CNTN1: variants seen among roughly 807,000 people sequenced by gnomAD.
CNTN1 encodes contactin-1.
In CNTN1, 38 loss-of-function variants were observed where a neutral mutation model predicts 126.4. The observed-to-expected ratio is 0.30, with a 90% CI of 0.23 to 0.39. The LOEUF (loss-of-function observed/expected upper bound fraction) is 0.39, where lower values mean the gene tolerates loss of function less well. Ranked by LOEUF, CNTN1 falls within the 10% of genes least tolerant of loss-of-function variation. The pLI is 1.00. For synonymous variants in CNTN1, 413 were observed against 422.6 expected, an observed-to-expected ratio of 0.98 and a Z score of 0.28; for missense variants, 1,009 against 1,248.4, an observed-to-expected ratio of 0.81 and a Z score of 2.89.
At chr12:40,858,020 A>G (rs2136635748) in intron 1 of CNTN1, among the ~76,000 whole-genome samples, 2 of 152,324 alleles carry the variant, frequency 1.3e-5, no homozygotes, top group Middle Eastern at 6.8e-3. Flanking sequence ...TCCTCGGTTC[A>G]GAATCTCACA....
rs1240024206 is a variant in CNTN1, at chr12:41,020,366, G to T, written c.2449G>T (p.Val817Leu). ...APSEAPTEVG[V>L]KVLSSSEISV... is the part of the protein sequence containing the mutation. Reference sequence around the variant, plus strand: ...CAGTGAAGCCCCAACAGAAGTAGGTGTAAAAGTCTTATCATCTTCTGAGAT... The same window carrying T: ...CAGTGAAGCCCCAACAGAAGTAGGTTTAAAAGTCTTATCATCTTCTGAGAT... The change falls in exon 20 of 24, where the codon GTA becomes TTA. Residue 817 changes from valine to leucine, a missense_variant. Transcript: ENST00000551295. The T allele has an allele frequency of 6.2e-7, 1 of 1,612,438 alleles. No homozygotes were observed. Among genetic ancestry groups the T allele is most frequent in the South Asian group, 1.1e-5 (1 of 90,798 alleles).
At chr12:40,869,259 C>T (rs1286610946) in intron 1 of CNTN1, among the ~76,000 whole-genome samples, 1 of 149,792 alleles carries the variant, frequency 6.7e-6, no homozygotes, top group African/African-American at 2.5e-5. Flanking sequence ...ATACTAGATC[C>T]ATCATTTCAT....
At chr12:40,699,766 A>AAAT (rs1371038852) in intron 1 of CNTN1, among the ~76,000 whole-genome samples, 2 of 152,254 alleles carry the variant, frequency 1.3e-5, no homozygotes, top group Non-Finnish European at 2.9e-5. Context: ...GATAAAAAAA[A>AAAT]AAAGCTCAGA....
At position 40,831,372 on chromosome 12, in the gene CNTN1, A is replaced by C. The variant is rs192415257; in HGVS notation, c.-76-76985A>C. Among the ~76,000 whole-genome samples, 794 of 152,106 alleles carry C rather than the reference A, an allele frequency of 5.2e-3. 5 individuals are homozygous for C. The highest frequency in any genetic ancestry group is 0.018 in the African/African-American group (748 of 41,534). On this transcript the variant is annotated intron_variant, in intron 1 of 23. Coordinates refer to ENST00000551295, the MANE Select transcript of CNTN1 (RefSeq NM_001843.4). ...AAATCAGAGCTTATGTTTAGACAAC[A>C]AGAAAATTTCCCATAGGGCACTTCA... is the stretch of plus-strand genomic sequence containing the variant.
At chr12:40,722,246 G>A (rs974048762) in intron 1 of CNTN1, among the ~76,000 whole-genome samples, 2 of 152,148 alleles carry the variant, frequency 1.3e-5, no homozygotes, top group Admixed American at 6.5e-5. Flanking sequence ...CACTTGTTAG[G>A]ATAACCTGTT....
At position 40,908,413 on chromosome 12, in the gene CNTN1, G is replaced by A. The variant is rs370511600; in HGVS notation, c.-20G>A. On this transcript the variant is annotated 5_prime_UTR_variant, in exon 2 of 24. Transcript: ENST00000551295. The stretch of plus-strand genomic sequence containing the variant: ...AAATTCTTTTTTGGAAAATTGAACC[G>A]AACTTCTACTGAATACAAGATGAAA... 98 of 1,610,068 alleles carry A rather than the reference G, an allele frequency of 6.1e-5. No homozygotes were observed. The highest frequency in any genetic ancestry group is 2.8e-4 in the Admixed American group (17 of 59,902).
chr12:40,812,099 T>G (rs998406839), intron 1 of CNTN1, among the ~76,000 whole-genome samples: 11 of 152,072 alleles, frequency 7.2e-5, no homozygotes, highest in African/African-American at 2.7e-4. Flanking sequence ...TTTTCATTTT[T>G]GTTTGTCTTA....
intron 1 of CNTN1, among the ~76,000 whole-genome samples, chr12:40,699,985 C>A (rs558317585): frequency 3.9e-5 from 6 of 152,054 alleles, no homozygotes; most frequent in Non-Finnish European, 8.8e-5. Flanking sequence ...AAATGTATTG[C>A]ATTATTACCT....
chr12:40,802,566 C>G (rs1021370594), intron 1 of CNTN1, among the ~76,000 whole-genome samples: 6 of 151,530 alleles, frequency 4.0e-5, no homozygotes, highest in African/African-American at 1.2e-4. Flanking sequence ...AAATGAGTGC[C>G]CTTTACAGAC....
At chr12:40,722,014 G>T (rs777659878) in intron 1 of CNTN1, among the ~76,000 whole-genome samples, 8 of 151,836 alleles carry the variant, frequency 5.3e-5, no homozygotes, top group Admixed American at 5.3e-4. Flanking sequence ...ATAAACATAC[G>T]TGTGCATGTG....
chr12:40,943,764 A>C (rs777827232), intron 13 of CNTN1, 40 bp downstream of exon 13: 1 of 1,606,098 alleles, frequency 6.2e-7, no homozygotes, highest in Non-Finnish European at 8.5e-7. Flanking sequence ...CTAATGTATT[A>C]AAAAACATGA....
intron 1 of CNTN1, among the ~76,000 whole-genome samples, chr12:40,872,260 GTT>G (rs1943529866): frequency 7.4e-6 from 1 of 135,802 alleles, no homozygotes; most frequent in Non-Finnish European, 1.6e-5. Context: ...GTGTGTGTGT[GTT>G]TTCCCTATCA....
chr12:40,817,743 G>A (rs1442501243), intron 1 of CNTN1, among the ~76,000 whole-genome samples: 1 of 152,028 alleles, frequency 6.6e-6, no homozygotes, highest in Admixed American at 6.5e-5. Flanking sequence ...ACTAGTTGAT[G>A]TAATTTCTTT....
At chr12:40,922,762 G>A (rs553673314) in intron 5 of CNTN1, among the ~76,000 whole-genome samples, 9 of 152,060 alleles carry the variant, frequency 5.9e-5, no homozygotes, top group Non-Finnish European at 1.3e-4. Flanking sequence ...CATGAGGTCA[G>A]GAGATCGAGA....
chr12:40,928,066 C>A (rs978831468), intron 6 of CNTN1, among the ~76,000 whole-genome samples: 13 of 152,026 alleles, frequency 8.6e-5, no homozygotes, highest in Admixed American at 8.5e-4. Flanking sequence ...ACTCTAAATG[C>A]ATTTTGTGGG....
chr12:40,751,464 C>T (rs927051853), intron 1 of CNTN1, among the ~76,000 whole-genome samples: 1 of 151,872 alleles, frequency 6.6e-6, no homozygotes, highest in Non-Finnish European at 1.5e-5. Context: ...TTCTTTTAGC[C>T]TGGAAATTTT....
At chr12:40,863,898 G>A (rs76577690) in intron 1 of CNTN1, among the ~76,000 whole-genome samples, 449 of 145,558 alleles carry the variant, frequency 3.1e-3, no homozygotes, top group African/African-American at 0.012. Flanking sequence ...GGATTAGGTG[G>A]GATCTGGACC....
intron 1 of CNTN1, among the ~76,000 whole-genome samples, chr12:40,798,353 A>G (rs530562789): frequency 3.3e-5 from 5 of 152,116 alleles, no homozygotes; most frequent in African/African-American, 1.2e-4. Flanking sequence ...TTGTTTTCCT[A>G]TACTTACTGT....
intron 1 of CNTN1, among the ~76,000 whole-genome samples, chr12:40,764,450 T>C (rs903837100): frequency 6.6e-6 from 1 of 152,222 alleles, no homozygotes; most frequent in African/African-American, 2.4e-5. Flanking sequence ...TGTTTTCTAA[T>C]TGTTTTTTAT....
Sources: gnomAD v4.1 joint callset for allele counts (sites outside exome capture counted in the v4.1 genomes callset) on GRCh38, gnomAD v4.1.1 for gene constraint, MANE v1.5 for transcripts, NCBI Gene and HGNC (gene_info 2026-07-23, HGNC 2026-07-21) for gene names.